Variants in COBLL1 observed in about 807,000 individuals in gnomAD.
COBLL1 encodes the protein cordon-bleu protein-like 1.
A neutral mutation model predicts 94.8 loss-of-function variants in COBLL1; 50 were observed. The ratio of observed to expected loss-of-function variants is 0.53; its 90% CI spans 0.42 to 0.67. The LOEUF (loss-of-function observed/expected upper bound fraction) is 0.67. Ranked by LOEUF, COBLL1 falls within the 30% of genes least tolerant of loss-of-function variation. The pLI is 0.00. For missense variants in COBLL1, 1,362 were observed against 1,348.7 expected (o/e 1.01, Z -0.15); for synonymous variants, 448 against 473.8 (o/e 0.95, Z 0.71).
chr2:164,835,572 G>A (rs1053461415), intron 2 of COBLL1, among the ~76,000 whole-genome samples: 2 of 152,082 alleles, frequency 1.3e-5, no homozygotes, highest in African/African-American at 4.8e-5. Context: ...GATGGAAGGT[G>A]GTGATGGTTC....
intron 2 of COBLL1, among the ~76,000 whole-genome samples, chr2:164,808,904 A>G (rs1684324483): frequency 2.0e-5 from 3 of 152,158 alleles, no homozygotes; most frequent in Admixed American, 2.0e-4. Context: ...ATTCTTAAAA[A>G]GTAAGAACAA....
At chr2:164,833,382 T>A (rs777806012) in intron 2 of COBLL1, among the ~76,000 whole-genome samples, 6 of 151,298 alleles carry the variant, frequency 4.0e-5, no homozygotes, top group Admixed American at 6.6e-5. Context: ...AGCTACAAGC[T>A]ACAAATAGAA....
At chr2:164,772,262 A>G (rs1164913589) in intron 2 of COBLL1, among the ~76,000 whole-genome samples, 1 of 152,002 alleles carries the variant, frequency 6.6e-6, no homozygotes, top group Non-Finnish European at 1.5e-5. Context: ...GTCAACCTTA[A>G]ATGTGATAAA....
At chr2:164,659,109 G>A (rs1045119916) in intron 2 of COBLL1, among the ~76,000 whole-genome samples, 6 of 152,148 alleles carry the variant, frequency 3.9e-5, no homozygotes, top group East Asian at 3.9e-4. Context: ...TGGGCATGGA[G>A]GACTAGGTAA....
At chr2:164,707,166 CAG>C (rs1285474764) in intron 7 of COBLL1, among the ~76,000 whole-genome samples, 3 of 151,036 alleles carry the variant, frequency 2.0e-5, no homozygotes, top group Non-Finnish European at 3.0e-5. Flanking sequence ...TTTTTTGAAA[CAG>C]AGTCTCACTC....
At chr2:164,762,229 T>C (rs1176673792) in intron 2 of COBLL1, among the ~76,000 whole-genome samples, 1 of 152,222 alleles carries the variant, frequency 6.6e-6, no homozygotes, top group Non-Finnish European at 1.5e-5. Flanking sequence ...AACCTGACCA[T>C]GCTCTTTGGC....
intron 7 of COBLL1, among the ~76,000 whole-genome samples, chr2:164,717,656 T>C (rs1350108314): frequency 6.6e-6 from 1 of 152,202 alleles, no homozygotes; most frequent in Non-Finnish European, 1.5e-5. Context: ...TGTGCTCAAG[T>C]GATCCTCCCA....
At position 164,762,924 on chromosome 2, in the gene COBLL1, T is replaced by C. The variant is rs1387641354; in HGVS notation, c.42-19049A>G. Among the ~76,000 whole-genome samples the C allele has an allele frequency of 2.0e-5, 3 of 152,196 alleles. No individual in the cohort carries two copies. In the East Asian group the frequency reaches 5.8e-4, roughly 29 times the overall value. ...TATTAGCAAGGATGGTCTCTATCTC[T>C]TGACCTTGTGCTCCGCCTGCCTCGG... On this transcript the variant is annotated intron_variant, in intron 2 of 13. Coordinates refer to ENST00000652658, the MANE Select transcript of COBLL1 (RefSeq NM_001365672.2).
At chr2:164,670,292 A>C (rs550649187) in intron 1 of COBLL1, among the ~76,000 whole-genome samples, 1 of 152,336 alleles carries the variant, frequency 6.6e-6, no homozygotes, top group South Asian at 2.1e-4. Context: ...AGAGAAAAAA[A>C]AGTGCATAAA....
downstream of COBLL1, among the ~76,000 whole-genome samples, chr2:164,676,642 A>G (rs1196223561): frequency 2.0e-5 from 3 of 151,232 alleles, no homozygotes; most frequent in Non-Finnish European, 4.4e-5. Flanking sequence ...TGCCTTCTGT[A>G]TTTCCACCAA....
At position 164,768,675 on chromosome 2, in the gene COBLL1, A is replaced by G. The variant is rs77785873; in HGVS notation, c.42-24800T>C. 5.8e-3 allele frequency among the ~76,000 whole-genome samples: 880 copies of G among 152,232 alleles called. 11 individuals carry two copies. The highest frequency in any genetic ancestry group is 0.02 in the African/African-American group (830 of 41,540). On this transcript the variant is annotated intron_variant, in intron 2 of 13. Transcript: ENST00000652658. ...CCTATCATATATCCCTTAGTAAATCACTTGATAAAAAGAAATTTTAAAAAT... is the reference window on the plus strand; with the variant it reads ...CCTATCATATATCCCTTAGTAAATCGCTTGATAAAAAGAAATTTTAAAAAT...
chr2:164,746,538 TTGAAAA>T (rs997757834), intron 2 of COBLL1, among the ~76,000 whole-genome samples: 7 of 152,080 alleles, frequency 4.6e-5, no homozygotes, highest in African/African-American at 1.7e-4. Context: ...CCACCCTAAA[TTGAAAA>T]TATCAGTCAA....
chr2:164,733,574 T>C (rs1391607551), intron 3 of COBLL1, among the ~76,000 whole-genome samples: 1 of 152,192 alleles, frequency 6.6e-6, no homozygotes, highest in Non-Finnish European at 1.5e-5. Flanking sequence ...GACAAATAAA[T>C]GCAGCAATCC....
At chr2:164,775,202 C>T (rs60806411) in intron 2 of COBLL1, among the ~76,000 whole-genome samples, 1,668 of 152,024 alleles carry the variant, frequency 0.011, 25 homozygotes, top group African/African-American at 0.038. Flanking sequence ...TACCTCATAG[C>T]CTCTTGTGAG....
At chr2:164,821,144 C>G (rs749960655) in intron 2 of COBLL1, among the ~76,000 whole-genome samples, 17 of 152,138 alleles carry the variant, frequency 1.1e-4, no homozygotes, top group South Asian at 2.1e-4. Context: ...GCCTCCACCT[C>G]CCAAAGTGCT....
At position 164,681,960 on chromosome 2, in the gene COBLL1, G is replaced by T. The variant is rs77942883; in HGVS notation, c.*3986C>A. The stretch of plus-strand genomic sequence containing the variant: ...ACATATTAAGGATGGAAATTTGCAG[G>T]AAAGTGGTAACATTTAAGAGAAAAG... On this transcript the variant is annotated 3_prime_UTR_variant, in exon 14 of 14. Coordinates refer to ENST00000652658, the MANE Select transcript of COBLL1 (RefSeq NM_001365672.2). 1 of 152,144 alleles carries T rather than the reference G, an allele frequency of 6.6e-6. No individual in the cohort carries two copies. Among genetic ancestry groups the T allele is most frequent in the African/African-American group, 2.4e-5 (1 of 41,428 alleles). The allele number at this position is 152,144 out of a possible 1,614,324, so 9.4% of individuals were successfully genotyped here. A position where few individuals can be genotyped will look rare whatever the true frequency, so the allele number is the denominator to read the frequency against.
chr2:164,842,004 G>C, upstream of COBLL1: 1 of 1,540,116 alleles, frequency 6.5e-7, no homozygotes, highest in Non-Finnish European at 8.7e-7. Context: ...CGCCGCCTCT[G>C]CAGCACGGCC....
intron 3 of COBLL1, among the ~76,000 whole-genome samples, chr2:164,734,246 G>C (rs1686177393): frequency 6.6e-6 from 1 of 151,744 alleles, no homozygotes; most frequent in South Asian, 2.1e-4. Context: ...AAAGAAGTTA[G>C]GAATGTCCTA....
chr2:164,668,733 G>C (rs1036354974), intron 1 of COBLL1, among the ~76,000 whole-genome samples: 3 of 152,062 alleles, frequency 2.0e-5, no homozygotes, highest in Non-Finnish European at 2.9e-5. Context: ...TTATTTTCTC[G>C]TTCATGATTA....
Sources: allele counts gnomAD v4.1 joint callset (sites outside exome capture counted in the v4.1 genomes callset), GRCh38; gene constraint gnomAD v4.1.1; transcripts MANE v1.5; gene names NCBI Gene and HGNC (gene_info 2026-07-23, HGNC 2026-07-21).